Variants in LRRC37A2 observed in about 807,000 individuals in gnomAD.
LRRC37A2 encodes the protein leucine-rich repeat-containing protein 37A2.
Under a neutral mutation model 68.8 loss-of-function variants are expected in LRRC37A2, and 9 were observed. That is an observed-to-expected ratio of 0.13 (90% confidence interval 0.08 to 0.23). The LOEUF is 0.23. Among genes scored for constraint, LRRC37A2 ranks in the 10% least tolerant of loss-of-function variants. The pLI, the probability that LRRC37A2 is intolerant of heterozygous loss-of-function variation, is 1.00. For missense variants in LRRC37A2, 168 were observed against 950.4 expected, an observed-to-expected ratio of 0.18 and a Z score of 10.82; for synonymous variants, 63 against 367.6, an observed-to-expected ratio of 0.17 and a Z score of 9.48.
At chr17:46,492,657 C>T in the LRRC37A2 span, among the ~76,000 whole-genome samples, 1 of 149,960 alleles carries the variant, frequency 6.7e-6, no homozygotes, top group Non-Finnish European at 1.5e-5. Context: ...CTGTATCCTC[C>T]CTAGCACTTG....
At chr17:46,725,151 G>T in the LRRC37A2 span, among the ~76,000 whole-genome samples, 1 of 152,178 alleles carries the variant, frequency 6.6e-6, no homozygotes, top group Non-Finnish European at 1.5e-5. Flanking sequence ...ACAAAATCCT[G>T]TGCCAAAGGA....
the LRRC37A2 span, chr17:46,751,418 CTCT>C: frequency 1.2e-5 from 12 of 967,394 alleles, no homozygotes; most frequent in African/African-American, 1.9e-4. Flanking sequence ...GTTCTTATCA[CTCT>C]TCTTTTAAAG....
At chr17:46,769,929 G>C in the LRRC37A2 span, 1 of 1,613,434 alleles carries the variant, frequency 6.2e-7, no homozygotes, top group Non-Finnish European at 8.5e-7. Context: ...TCGCCAGGCG[G>C]CCCCTTATGA....
chr17:46,543,284 A>T (rs2055727449), intron 8 of LRRC37A2, among the ~76,000 whole-genome samples: 1 of 150,472 alleles, frequency 6.6e-6, no homozygotes, highest in Non-Finnish European at 1.5e-5. Context: ...ATGTGTAATG[A>T]TCTTTCATGT....
At chr17:46,751,305 A>G in the LRRC37A2 span, among the ~76,000 whole-genome samples, 1 of 152,204 alleles carries the variant, frequency 6.6e-6, no homozygotes, top group South Asian at 2.1e-4. Context: ...GGTTTAAGAT[A>G]CCAGTTTTCA....
At chr17:46,811,744 C>T in the LRRC37A2 span, among the ~76,000 whole-genome samples, 1 of 152,268 alleles carries the variant, frequency 6.6e-6, no homozygotes, top group South Asian at 2.1e-4. Context: ...TACCTGAGGT[C>T]GGGAGTTCGA....
chr17:46,750,983 A>G, the LRRC37A2 span, among the ~76,000 whole-genome samples: 2 of 152,208 alleles, frequency 1.3e-5, no homozygotes, highest in Non-Finnish European at 2.9e-5. Flanking sequence ...AATATTCACA[A>G]GTAACTTGGT....
chr17:46,969,685 G>A, the LRRC37A2 span, among the ~76,000 whole-genome samples: 35 of 152,316 alleles, frequency 2.3e-4, no homozygotes, highest in African/African-American at 7.7e-4. Flanking sequence ...CCTTAAACAC[G>A]GAAGAGTTCA....
the LRRC37A2 span, among the ~76,000 whole-genome samples, chr17:46,761,956 CA>C: frequency 6.6e-6 from 1 of 152,224 alleles, no homozygotes; most frequent in Non-Finnish European, 1.5e-5. Flanking sequence ...CTTCAAATGA[CA>C]ATTGTTCCAG....
chr17:46,890,165 C>A, the LRRC37A2 span, among the ~76,000 whole-genome samples: 1 of 152,224 alleles, frequency 6.6e-6, no homozygotes, highest in Non-Finnish European at 1.5e-5. Context: ...CAGTCCCCCG[C>A]TGCTCCTGCA....
At chr17:46,621,372 C>T in the LRRC37A2 span, among the ~76,000 whole-genome samples, 11 of 134,662 alleles carry the variant, frequency 8.2e-5, no homozygotes, top group Admixed American at 2.3e-4. Context: ...CTGCAAGCTC[C>T]GCCTCCCGGG....
the LRRC37A2 span, chr17:46,935,187 G>A: frequency 6.2e-7 from 1 of 1,613,678 alleles, no homozygotes; most frequent in African/African-American, 1.3e-5. Flanking sequence ...CCCTGCTGGG[G>A]GACAGAGAGA....
At chr17:46,872,721 G>C in the LRRC37A2 span, 4 of 1,612,500 alleles carry the variant, frequency 2.5e-6, no homozygotes, top group Non-Finnish European at 3.4e-6. Flanking sequence ...TTCAGTTCCG[G>C]CATGAGCGCT....
chr17:46,788,592 C>T, the LRRC37A2 span, among the ~76,000 whole-genome samples: 2 of 152,240 alleles, frequency 1.3e-5, no homozygotes, highest in African/African-American at 4.8e-5. Flanking sequence ...ATTTCCCCAG[C>T]TCTTATACAT....
chr17:46,558,177 A>T (rs2057386586), downstream of LRRC37A2, among the ~76,000 whole-genome samples: 1 of 112,008 alleles, frequency 8.9e-6, no homozygotes, highest in Non-Finnish European at 1.8e-5. Flanking sequence ...CTCCTGCCTC[A>T]GCCTCCCTAG....
At chr17:46,950,934 A>G in the LRRC37A2 span, among the ~76,000 whole-genome samples, 1 of 152,140 alleles carries the variant, frequency 6.6e-6, no homozygotes, top group Admixed American at 6.5e-5. Flanking sequence ...CAGAGGGGGA[A>G]GTCACCGACT....
the LRRC37A2 span, among the ~76,000 whole-genome samples, chr17:46,825,145 C>A: frequency 6.6e-6 from 1 of 152,230 alleles, no homozygotes; most frequent in African/African-American, 2.4e-5. Flanking sequence ...GGGCTCTAAC[C>A]CAAGGCCAGC....
At chr17:47,015,672 A>G in the LRRC37A2 span, among the ~76,000 whole-genome samples, 1 of 152,254 alleles carries the variant, frequency 6.6e-6, no homozygotes, top group Non-Finnish European at 1.5e-5. Flanking sequence ...TAAAAAAAGG[A>G]GCAAAAGTAT....
At chr17:46,816,102 C>T in the LRRC37A2 span, among the ~76,000 whole-genome samples, 3 of 150,692 alleles carry the variant, frequency 2.0e-5, no homozygotes, top group Admixed American at 6.6e-5. Context: ...TGAAGGCATG[C>T]GCGCGCACGT....
Sources: gnomAD v4.1 joint callset for allele counts (sites outside exome capture counted in the v4.1 genomes callset) on GRCh38, gnomAD v4.1.1 for gene constraint, MANE v1.5 for transcripts, NCBI Gene and HGNC (gene_info 2026-07-23, HGNC 2026-07-21) for gene names.